WDR72: variants seen among roughly 807,000 people sequenced by gnomAD.
The protein encoded by WDR72 is WD repeat domain 72.
WDR72 carries 120 observed loss-of-function variants against 124.2 expected under a neutral mutation model. The ratio of observed to expected loss-of-function variants is 0.97; its 90% CI spans 0.83 to 1.12. The LOEUF is 1.12. Ranked by LOEUF, WDR72 falls within the 50% of genes most tolerant of loss-of-function variation. WDR72 has a pLI of 0.00. For missense variants in WDR72, 1,387 were observed against 1,278.8 expected (o/e 1.08, Z -1.29); for synonymous variants, 452 against 441.7 (o/e 1.02, Z -0.29).
At chr15:53,537,062 G>A (rs900662884) in intron 18 of WDR72, among the ~76,000 whole-genome samples, 3 of 152,136 alleles carry the variant, frequency 2.0e-5, no homozygotes, top group African/African-American at 7.2e-5. Context: ...GGGTTACACA[G>A]CTCCTTAATC....
rs1891321099 is a variant in WDR72, at chr15:53,514,275, A to G, written c.*3424T>C. 6.6e-6 allele frequency: 1 copy of G among 152,198 alleles called. No homozygotes were observed. Among genetic ancestry groups the G allele is most frequent in the African/African-American group, 2.4e-5 (1 of 41,450 alleles). The allele number at this position is 152,198 out of a possible 1,614,324, so 9.4% of individuals were successfully genotyped here. On this transcript the variant is annotated 3_prime_UTR_variant, in exon 20 of 20. Coordinates refer to ENST00000360509, the MANE Select transcript of WDR72 (RefSeq NM_182758.4). ...AAGGAGTCTATAACACCGCTTTTAT[A>G]TAACTGAGCAATCAAAATGTATGAA...
chr15:53,594,046 T>C (rs1395428131), intron 18 of WDR72, among the ~76,000 whole-genome samples: 6 of 151,892 alleles, frequency 4.0e-5, no homozygotes, highest in African/African-American at 1.4e-4. Context: ...GGTCTTAGGG[T>C]TCATGTGGAT....
intron 15 of WDR72, among the ~76,000 whole-genome samples, chr15:53,613,997 C>T (rs762503878): frequency 3.3e-5 from 5 of 151,908 alleles, no homozygotes; most frequent in Admixed American, 6.6e-5. Flanking sequence ...TCCCAATTGA[C>T]CTGCACATCT....
chr15:53,614,102 C>A (rs1253533977), intron 15 of WDR72, among the ~76,000 whole-genome samples: 3 of 152,126 alleles, frequency 2.0e-5, no homozygotes, highest in East Asian at 3.9e-4. Context: ...ATTTAAAAAA[C>A]CCAATATGTT....
intron 17 of WDR72, among the ~76,000 whole-genome samples, chr15:53,599,023 C>T (rs1412363791): frequency 2.0e-5 from 3 of 151,900 alleles, no homozygotes; most frequent in African/African-American, 7.3e-5. Flanking sequence ...ACTCAGGAGG[C>T]TGAGACAGGA....
At chr15:53,728,506 A>G (rs541661420) in intron 2 of WDR72, among the ~76,000 whole-genome samples, 2 of 152,354 alleles carry the variant, frequency 1.3e-5, no homozygotes, top group South Asian at 4.1e-4. Flanking sequence ...CTCAAAGAAT[A>G]TAAGTCATTT....
chr15:53,759,035 T>A (rs562304815), intron 1 of WDR72, among the ~76,000 whole-genome samples: 1 of 152,072 alleles, frequency 6.6e-6, no homozygotes, highest in South Asian at 2.1e-4. Context: ...CCCGCAGTCT[T>A]TATTGCCGAC....
intron 4 of WDR72, among the ~76,000 whole-genome samples, 164 bp from the exon 5 acceptor site, chr15:53,715,531 A>G (rs139030306): frequency 1.3e-5 from 2 of 152,328 alleles, no homozygotes; most frequent in African/African-American, 4.8e-5. Flanking sequence ...CCAAACTCCT[A>G]TTGGCACTTT....
intron 18 of WDR72, among the ~76,000 whole-genome samples, chr15:53,581,894 T>C (rs1360892749): frequency 1.3e-5 from 2 of 152,058 alleles, no homozygotes; most frequent in Non-Finnish European, 2.9e-5. Flanking sequence ...TTTGAATTAC[T>C]GCTATACATT....
Position 53,615,814 on chromosome 15 carries a change from A to T in WDR72, c.2392T>A (p.Phe798Ile), listed in dbSNP as rs1271901148. ...ASLTIDTAKL[F>I]LSCLLPWGVD... is the part of the protein sequence containing the mutation. ...CCCCATGGCAAAAGGCAAGACAGAA[A>T]CAATTTTGCTGTGTCTATTGTGAGA... The change falls in exon 15 of 20, where the codon TTT (phenylalanine) becomes ATT (isoleucine). Residue 798 changes from phenylalanine (F) to isoleucine (I), a missense_variant. Phe to Ile is a conservative substitution (Grantham distance 21). Transcript: ENST00000360509. 1 of 1,613,648 alleles carries T rather than the reference A, an allele frequency of 6.2e-7. No individual in the cohort carries two copies. The highest frequency in any genetic ancestry group is 1.7e-5 in the Admixed American group (1 of 59,944).
chr15:53,544,737 C>T (rs866538123), intron 18 of WDR72, among the ~76,000 whole-genome samples: 3,765 of 145,106 alleles, frequency 0.026, 128 homozygotes, highest in African/African-American at 0.087. Flanking sequence ...TGTTTGCAGA[C>T]GACATGACTG....
At chr15:53,684,922 A>G (rs943785655) in intron 13 of WDR72, among the ~76,000 whole-genome samples, 1 of 152,122 alleles carries the variant, frequency 6.6e-6, no homozygotes, top group Non-Finnish European at 1.5e-5. Flanking sequence ...GAGCAGCCTA[A>G]CTGGGAGGCA....
rs1207313012 is a variant in WDR72, at chr15:53,515,848, A to AAAAT, written c.*1847_*1850dup. ...AAGGGAATAATAGGATGTAGCTATA[A>AAAAT]AAATAATGAAGCTTATTTTTCATAA... is the stretch of plus-strand genomic sequence containing the variant. On this transcript the variant is annotated 3_prime_UTR_variant, in exon 20 of 20. Coordinates refer to ENST00000360509, the MANE Select transcript of WDR72 (RefSeq NM_182758.4). The AAAAT allele has an allele frequency of 1.3e-5, 2 of 152,304 alleles. No individual in the cohort carries two copies. The highest frequency in any genetic ancestry group is 4.8e-5 in the African/African-American group (2 of 41,582). 9.4% of individuals were successfully genotyped at this position (152,304 alleles called of 1,614,324 possible). A position where few individuals can be genotyped will look rare whatever the true frequency, so the allele number is the denominator to read the frequency against.
intron 18 of WDR72, among the ~76,000 whole-genome samples, chr15:53,590,511 T>C (rs917796339): frequency 3.3e-5 from 5 of 152,074 alleles, no homozygotes; most frequent in African/African-American, 1.2e-4. Context: ...TTTTGCTGTC[T>C]TGTAATCCTC....
intron 18 of WDR72, among the ~76,000 whole-genome samples, chr15:53,567,871 T>C (rs1894357603): frequency 1.3e-5 from 2 of 151,684 alleles, no homozygotes; most frequent in Admixed American, 6.6e-5. Flanking sequence ...TTTTTTATTT[T>C]ATCAACAGAT....
intron 2 of WDR72, among the ~76,000 whole-genome samples, chr15:53,731,358 A>G (rs1021718624): frequency 1.3e-5 from 2 of 151,676 alleles, no homozygotes; most frequent in African/African-American, 4.8e-5. Context: ...ACTCTCACCA[A>G]TCTAATTCCT....
intron 17 of WDR72, among the ~76,000 whole-genome samples, chr15:53,607,433 T>C (rs1320160339): frequency 6.6e-6 from 1 of 152,116 alleles, no homozygotes; most frequent in Non-Finnish European, 1.5e-5. Flanking sequence ...GAAAAGACAG[T>C]CTCTTCAATA....
intron 18 of WDR72, among the ~76,000 whole-genome samples, chr15:53,592,638 C>T (rs1337924899): frequency 6.6e-6 from 1 of 152,068 alleles, no homozygotes; most frequent in Non-Finnish European, 1.5e-5. Context: ...GTTTTCACAA[C>T]CACATGGTTT....
chr15:53,675,487 T>C (rs2016138662), intron 13 of WDR72, among the ~76,000 whole-genome samples: 1 of 152,222 alleles, frequency 6.6e-6, no homozygotes, highest in Non-Finnish European at 1.5e-5. Context: ...TTTAATTAAT[T>C]GTACAATTAT....
Sources: allele counts gnomAD v4.1 joint callset (sites outside exome capture counted in the v4.1 genomes callset), GRCh38; gene constraint gnomAD v4.1.1; transcripts MANE v1.5; gene names NCBI Gene and HGNC (gene_info 2026-07-23, HGNC 2026-07-21).